The following STRN variants were observed in gnomAD, a reference collection of about 807,000 sequenced individuals.
STRN encodes protein phosphatase 2 regulatory subunit B'''alpha.
Under a neutral mutation model 96.3 loss-of-function variants are expected in STRN, and 53 were observed. The observed-to-expected ratio is 0.55, with a 90% confidence interval of 0.44 to 0.69. STRN has a LOEUF of 0.69. Among genes scored for constraint, STRN ranks in the 30% least tolerant of loss-of-function variants. STRN has a pLI of 0.00. For synonymous variants in STRN, 428 were observed against 355.9 expected, an observed-to-expected ratio of 1.20 and a Z score of -2.28; for missense variants, 987 against 963.9, an observed-to-expected ratio of 1.02 and a Z score of -0.32.
At chr2:36,913,689 T>G (rs533370253) in intron 3 of STRN, among the ~76,000 whole-genome samples, 2 of 152,300 alleles carry the variant, frequency 1.3e-5, no homozygotes, top group South Asian at 2.1e-4. Flanking sequence ...CTGAAAAACA[T>G]TATATATATC....
chr2:36,913,725 G>C (rs1165769902), intron 3 of STRN, among the ~76,000 whole-genome samples: 3 of 152,124 alleles, frequency 2.0e-5, no homozygotes, highest in Non-Finnish European at 4.4e-5. Flanking sequence ...ATGGATGGTT[G>C]GAAAGATACA....
At chr2:36,864,336 C>A (rs76400280) in intron 12 of STRN, among the ~76,000 whole-genome samples, 3,609 of 152,166 alleles carry the variant, frequency 0.024, 95 homozygotes, top group East Asian at 0.13. Flanking sequence ...TCCTTCAATG[C>A]CTAGTTTGTT....
chr2:36,882,643 C>T (rs1451634987), intron 9 of STRN, among the ~76,000 whole-genome samples: 1 of 152,276 alleles, frequency 6.6e-6, no homozygotes, highest in East Asian at 1.9e-4. Context: ...GTGGCATGTG[C>T]CTATAGTCCT....
chr2:36,948,296 CACCAT>C (rs1310139147), intron 1 of STRN, among the ~76,000 whole-genome samples: 1 of 151,662 alleles, frequency 6.6e-6, no homozygotes, highest in Admixed American at 6.6e-5. Context: ...AGACGGGTTT[CACCAT>C]GTTGGCCAGG....
At chr2:36,853,541 G>A (rs1454777366) in intron 15 of STRN, among the ~76,000 whole-genome samples, 1 of 152,126 alleles carries the variant, frequency 6.6e-6, no homozygotes, top group African/African-American at 2.4e-5. Context: ...CAGAGAAGTC[G>A]GCAGAATGCA....
rs772668993 is a variant in STRN, at chr2:36,902,596, G to C, written c.647C>G (p.Thr216Arg). ...ACAAAATACTTACGCAATCATTGCT[G>C]TCTCTTTAACTTCAGCCTCTGTGCC... ...VNGTEAEVKETAMIAKSELTD... is the reference protein window; with the variant it reads ...VNGTEAEVKERAMIAKSELTD... Residue 216 changes from threonine to arginine, a missense_variant, in exon 5 of 18, where the codon ACA (threonine) becomes AGA (arginine). Transcript: ENST00000263918. 1.9e-6 allele frequency: 3 copies of C among 1,602,490 alleles called. No individual in the cohort carries two copies. Among genetic ancestry groups the C allele is most frequent in the South Asian group, 2.2e-5 (2 of 89,324 alleles).
chr2:36,863,579 T>C (rs1453202796), intron 12 of STRN, among the ~76,000 whole-genome samples: 1 of 152,238 alleles, frequency 6.6e-6, no homozygotes, highest in East Asian at 1.9e-4. Flanking sequence ...TACAGCCCTG[T>C]AGTATAGTTT....
At chr2:36,888,200 G>C (rs1040054783) in intron 7 of STRN, among the ~76,000 whole-genome samples, 4 of 152,132 alleles carry the variant, frequency 2.6e-5, no homozygotes, top group Non-Finnish European at 4.4e-5. Context: ...CTACTACTCT[G>C]ATCACTATGA....
At chr2:36,855,530 C>G (rs1668322787) in intron 14 of STRN, among the ~76,000 whole-genome samples, 178 bp from the exon 15 acceptor site, 1 of 152,136 alleles carries the variant, frequency 6.6e-6, no homozygotes, top group African/African-American at 2.4e-5. Flanking sequence ...ACTTTTAGCC[C>G]TAGTCTATTT....
intron 5 of STRN, 28 bp from the exon 6 acceptor site, chr2:36,899,686 AGT>A: frequency 1.9e-6 from 3 of 1,547,220 alleles, no homozygotes; most frequent in Non-Finnish European, 2.6e-6. Flanking sequence ...TATCCTGCTT[AGT>A]TAATCTTTTT....
chr2:36,924,555 C>T (rs1296444677), intron 2 of STRN, among the ~76,000 whole-genome samples: 1 of 151,804 alleles, frequency 6.6e-6, no homozygotes, highest in Non-Finnish European at 1.5e-5. Context: ...TTTGCTTCTT[C>T]AAAACAGGCA....
rs746883090 is a variant in STRN at position 36,849,689 on chromosome 2, A to C, written c.2173+25T>G. On this transcript the variant is annotated intron_variant, in intron 17 of 17. Transcript: ENST00000263918. Reference sequence around the variant, plus strand: ...AACATGAAAATGGTAAGGACAAATAAATAATCCATAGTTGAGGTACTTACT... The same window carrying C: ...AACATGAAAATGGTAAGGACAAATACATAATCCATAGTTGAGGTACTTACT... The C allele has an allele frequency of 1.9e-6, 3 of 1,613,944 alleles. No homozygotes were observed. In the Admixed American group the frequency reaches 5.0e-5, roughly 27 times the overall value.
At position 36,901,916 on chromosome 2, in the gene STRN, T is replaced by C. The variant is rs185187011; in HGVS notation, c.659+668A>G. Reference sequence around the variant, plus strand: ...ACCATTCTTCCTTCCTAAACAAGTGTCAAAATAAAAGTCATACTTAAACAT... The same window carrying C: ...ACCATTCTTCCTTCCTAAACAAGTGCCAAAATAAAAGTCATACTTAAACAT... On this transcript the variant is annotated intron_variant, in intron 5 of 17. Transcript: ENST00000263918. Among the ~76,000 whole-genome samples, 644 of 152,310 alleles carry C rather than the reference T, an allele frequency of 4.2e-3. 5 individuals are homozygous for C. Among genetic ancestry groups the C allele is most frequent in the African/African-American group, 0.015 (623 of 41,582 alleles).
At chr2:36,915,270 TATAA>T (rs1420524033) in intron 3 of STRN, among the ~76,000 whole-genome samples, 2 of 122,206 alleles carry the variant, frequency 1.6e-5, no homozygotes, top group African/African-American at 3.2e-5. Flanking sequence ...TATATATATA[TATAA>T]AGCCTCTAGC....
Position 36,941,716 on chromosome 2 carries a change from AT to A in STRN, c.235-16509del, listed in dbSNP as rs34746648. ...AGGCGCCTGCCACCCCACCCAGCTAATTTTTTTTTTTTTTTTTAGTGGAGAC... is the reference window on the plus strand; with the variant it reads ...AGGCGCCTGCCACCCCACCCAGCTAATTTTTTTTTTTTTTTTAGTGGAGAC... On this transcript the variant is annotated intron_variant, in intron 1 of 17. Coordinates refer to ENST00000263918, the MANE Select transcript of STRN (RefSeq NM_003162.4). Among the ~76,000 whole-genome samples the A allele has an allele frequency of 6.1e-3, 822 of 134,740 alleles. 1 individual carries two copies. The highest frequency in any genetic ancestry group is 0.012 in the Middle Eastern group (3 of 260). The allele number at this position is 134,740 out of a possible 152,430, so 88.4% of individuals were successfully genotyped here.
chr2:36,838,838 T>C lies in STRN; in HGVS notation c.*10618A>G, dbSNP rs372580864. 5.3e-5 allele frequency among the ~76,000 whole-genome samples: 8 copies of C among 152,176 alleles called. No individual in the cohort carries two copies. The East Asian group carries it at 1.5e-3, about 29-fold the overall frequency. The stretch of plus-strand genomic sequence containing the variant: ...GACTTAGAGAAATTCTCATCCTACA[T>C]TGTTAAATGAGAAATGTGAGATGCA... On this transcript the variant is annotated 3_prime_UTR_variant, in exon 18 of 18. Coordinates refer to ENST00000263918, the MANE Select transcript of STRN (RefSeq NM_003162.4).
chr2:36,958,682 G>A (rs549223527), intron 1 of STRN, among the ~76,000 whole-genome samples: 58 of 152,292 alleles, frequency 3.8e-4, no homozygotes, highest in African/African-American at 9.9e-4. Flanking sequence ...GAAGCCCTAA[G>A]ATCATGTAAT....
Position 36,839,372 on chromosome 2 carries a change from G to A in STRN, c.*10084C>T, listed in dbSNP as rs1667894046. Among the ~76,000 whole-genome samples the A allele has an allele frequency of 1.3e-5, 2 of 152,038 alleles. No homozygotes were observed. The highest frequency in any genetic ancestry group is 1.9e-4 in the East Asian group (1 of 5,194). ...AACTAGAACTGTGTGGCATATAGCT[G>A]GCACTCAAATATTAAGGAAAGTAGT... On this transcript the variant is annotated 3_prime_UTR_variant, in exon 18 of 18. Coordinates refer to ENST00000263918, the MANE Select transcript of STRN (RefSeq NM_003162.4).
chr2:36,863,971 G>A (rs1668559363), intron 12 of STRN, among the ~76,000 whole-genome samples: 1 of 152,184 alleles, frequency 6.6e-6, no homozygotes, highest in African/African-American at 2.4e-5. Context: ...CATTATTGGT[G>A]TGTATAAATG....
Sources: gnomAD v4.1 joint callset for allele counts (sites outside exome capture counted in the v4.1 genomes callset) on GRCh38, gnomAD v4.1.1 for gene constraint, MANE v1.5 for transcripts, NCBI Gene and HGNC (gene_info 2026-07-23, HGNC 2026-07-21) for gene names.